Variants in ETV6 observed in about 807,000 individuals in gnomAD.
ETV6 encodes ETS variant transcription factor 6.
Under a neutral mutation model 51.1 loss-of-function variants are expected in ETV6, and 16 were observed. The ratio of observed to expected loss-of-function variants is 0.31; its 90% CI spans 0.21 to 0.48. The LOEUF (loss-of-function observed/expected upper bound fraction) is 0.48, where lower values mean the gene tolerates loss of function less well. ETV6 is among the 20% of genes least tolerant of loss of function. The pLI is 0.99. For missense variants in ETV6, 458 were observed against 594.8 expected, an observed-to-expected ratio of 0.77 and a Z score of 2.39; for synonymous variants, 240 against 224.1, an observed-to-expected ratio of 1.07 and a Z score of -0.64.
chr12:11,886,825 G>A (rs755640066), intron 7 of ETV6, among the ~76,000 whole-genome samples: 3 of 152,186 alleles, frequency 2.0e-5, no homozygotes, highest in Non-Finnish European at 2.9e-5. Flanking sequence ...TCTGGTGCTG[G>A]TGGTAGTCAT....
chr12:11,793,575 G>A (rs937455565), intron 2 of ETV6, among the ~76,000 whole-genome samples: 13 of 152,212 alleles, frequency 8.5e-5, no homozygotes, highest in Admixed American at 1.3e-4. Flanking sequence ...AGGTCACAAG[G>A]TCACACAGAT....
At position 11,894,154 on chromosome 12, in the gene ETV6, T is replaced by C; in HGVS notation, c.*3108T>C. The C allele has an allele frequency of 4.3e-6, 1 of 231,324 alleles. No homozygotes were observed. Among genetic ancestry groups the C allele is most frequent in the Non-Finnish European group, 8.6e-6 (1 of 116,876 alleles). 14.3% of individuals were successfully genotyped at this position (231,324 alleles called of 1,614,324 possible). A position where few individuals can be genotyped will look rare whatever the true frequency, so the allele number is the denominator to read the frequency against. On this transcript the variant is annotated 3_prime_UTR_variant, in exon 8 of 8. Transcript: ENST00000396373. Reference sequence around the variant, plus strand: ...CCAAAGCTCAATCAGCCATAATCCCTGCTTTCAGAGTTTATATTGTACCTG... The same window carrying C: ...CCAAAGCTCAATCAGCCATAATCCCCGCTTTCAGAGTTTATATTGTACCTG...
At chr12:11,878,239 A>G (rs769273757) in intron 5 of ETV6, among the ~76,000 whole-genome samples, 46 of 152,224 alleles carry the variant, frequency 3.0e-4, no homozygotes, top group Admixed American at 5.2e-4. Context: ...TGAGAAATCA[A>G]AGAGCCCTAA....
At chr12:11,790,180 G>C (rs1055598572) in intron 2 of ETV6, among the ~76,000 whole-genome samples, 1 of 150,428 alleles carries the variant, frequency 6.6e-6, no homozygotes, top group Non-Finnish European at 1.5e-5. Context: ...ATAGCATCTT[G>C]TTTTTGTTTC....
At chr12:11,786,050 A>G (rs1945479193) in intron 2 of ETV6, among the ~76,000 whole-genome samples, 1 of 152,168 alleles carries the variant, frequency 6.6e-6, no homozygotes, top group South Asian at 2.1e-4. Context: ...GGAAGGGAAG[A>G]TTTGGAGGTA....
chr12:11,865,286 C>T (rs1946776501), intron 4 of ETV6, among the ~76,000 whole-genome samples: 1 of 151,096 alleles, frequency 6.6e-6, no homozygotes, highest in African/African-American at 2.4e-5. Flanking sequence ...CAACATAGGT[C>T]TCAAAAAAAG....
At chr12:11,765,272 G>T (rs192785991) in intron 2 of ETV6, among the ~76,000 whole-genome samples, 1 of 152,208 alleles carries the variant, frequency 6.6e-6, no homozygotes, top group Admixed American at 6.5e-5. Flanking sequence ...CATACATAGT[G>T]TAATAAGATC....
chr12:11,874,489 TAC>T (rs1452890256), intron 5 of ETV6, among the ~76,000 whole-genome samples: 787 of 18,436 alleles, frequency 0.043, 332 homozygotes, highest in African/African-American at 0.084. Flanking sequence ...TGTGCGTGTG[TAC>T]ACACATATGT....
intron 2 of ETV6, among the ~76,000 whole-genome samples, chr12:11,806,320 A>C (rs184013799): frequency 2.2e-3 from 341 of 152,360 alleles, no homozygotes; most frequent in African/African-American, 7.9e-3. Flanking sequence ...GTACAAAGTA[A>C]GAAACAATTG....
intron 1 of ETV6, among the ~76,000 whole-genome samples, chr12:11,704,440 A>C (rs1229267109): frequency 2.6e-5 from 4 of 152,108 alleles, no homozygotes; most frequent in Non-Finnish European, 5.9e-5. Flanking sequence ...TCTGCCTCCC[A>C]GGTTTAAGCG....
At position 11,685,322 on chromosome 12, in the gene ETV6, GAA is replaced by G. The variant is rs542402101; in HGVS notation, c.33+35176_33+35177del. ...TGCTTCATTGTCCATGAACATTTCA[GAA>G]AAAAAAAAAAAAAGGAAAAAAAGAA... On this transcript the variant is annotated intron_variant, in intron 1 of 7. Coordinates refer to ENST00000396373, the MANE Select transcript of ETV6 (RefSeq NM_001987.5). 4.2e-5 allele frequency among the ~76,000 whole-genome samples: 4 copies of G among 94,148 alleles called. No individual in the cohort carries two copies. In the East Asian group the frequency reaches 8.8e-4, roughly 21 times the overall value. The allele number at this position is 94,148 out of a possible 152,430, so 61.8% of individuals were successfully genotyped here.
At chr12:11,805,039 C>T (rs1375068912) in intron 2 of ETV6, among the ~76,000 whole-genome samples, 1 of 152,184 alleles carries the variant, frequency 6.6e-6, no homozygotes, top group Non-Finnish European at 1.5e-5. Context: ...TCAGATTCAT[C>T]CTGATTCCAG....
At position 11,893,151 on chromosome 12, in the gene ETV6, G is replaced by A. The variant is rs1947321222; in HGVS notation, c.*2105G>A. The A allele has an allele frequency of 4.3e-6, 1 of 232,666 alleles. No homozygotes were observed. The highest frequency in any genetic ancestry group is 5.6e-5 in the Admixed American group (1 of 17,762). The allele number at this position is 232,666 out of a possible 1,614,324, so 14.4% of individuals were successfully genotyped here. ...CCCTATTTCAGCCTCTAAGATGACT[G>A]GTATTCTATCTGAAATGCAGAGATT... On this transcript the variant is annotated 3_prime_UTR_variant, in exon 8 of 8. Transcript: ENST00000396373.
chr12:11,856,815 C>G (rs1244306808), intron 4 of ETV6, among the ~76,000 whole-genome samples: 1 of 151,882 alleles, frequency 6.6e-6, no homozygotes, highest in African/African-American at 2.4e-5. Flanking sequence ...AGATCTGGTT[C>G]TGAAAAAAAA....
chr12:11,718,797 A>T (rs780702102), intron 1 of ETV6, among the ~76,000 whole-genome samples: 17 of 152,058 alleles, frequency 1.1e-4, no homozygotes, highest in Non-Finnish European at 1.8e-4. Context: ...CAGGTCGCAC[A>T]CTCACGAAGC....
chr12:11,688,807 T>TA (rs1257786588), intron 1 of ETV6, among the ~76,000 whole-genome samples: 1 of 152,174 alleles, frequency 6.6e-6, no homozygotes, highest in Non-Finnish European at 1.5e-5. Context: ...GAAGGATCCT[T>TA]AGTGATCCCC....
intron 1 of ETV6, among the ~76,000 whole-genome samples, chr12:11,702,025 G>T (rs571335937): frequency 1.9e-4 from 29 of 152,264 alleles, no homozygotes; most frequent in African/African-American, 7.0e-4. Flanking sequence ...TGAATGCCAT[G>T]CTAAGGATTG....
Position 11,892,711 on chromosome 12 carries a change from C to T in ETV6, c.*1665C>T. 4.3e-6 allele frequency: 1 copy of T among 233,128 alleles called. No individual in the cohort carries two copies. The highest frequency in any genetic ancestry group is 8.5e-6 in the Non-Finnish European group (1 of 117,996). The allele number at this position is 233,128 out of a possible 1,614,324, so 14.4% of individuals were successfully genotyped here. ...TACATATGTGCCCTCAGCAGCAGCT[C>T]CCAGGTGAAGTTACCAGACCCCTGG... On this transcript the variant is annotated 3_prime_UTR_variant, in exon 8 of 8. Coordinates refer to ENST00000396373, the MANE Select transcript of ETV6 (RefSeq NM_001987.5).
Position 11,693,379 on chromosome 12 carries a change from A to T in ETV6, c.33+43219A>T, listed in dbSNP as rs113644147. Among the ~76,000 whole-genome samples, 109 of 152,280 alleles carry T rather than the reference A, an allele frequency of 7.2e-4. 1 individual carries two copies. The highest frequency in any genetic ancestry group is 2.6e-3 in the African/African-American group (106 of 41,566). The stretch of plus-strand genomic sequence containing the variant: ...CAGTTTTGGGGTTTGTAGACAGGTC[A>T]TGTTCACTTACTCCTAACCTGTCTC... On this transcript the variant is annotated intron_variant, in intron 1 of 7. Transcript: ENST00000396373.
Sources: gnomAD v4.1 joint callset for allele counts (sites outside exome capture counted in the v4.1 genomes callset) on GRCh38, gnomAD v4.1.1 for gene constraint, MANE v1.5 for transcripts, NCBI Gene and HGNC (gene_info 2026-07-23, HGNC 2026-07-21) for gene names.